RAB18: variants seen among roughly 807,000 people sequenced by gnomAD.
The protein encoded by RAB18 is RAB18, member RAS oncogene family.
RAB18 carries 10 observed loss-of-function variants against 28.5 expected under a neutral mutation model. The observed-to-expected ratio is 0.35, with a 90% CI of 0.22 to 0.60. The LOEUF (loss-of-function observed/expected upper bound fraction) is 0.60, where lower values mean the gene tolerates loss of function less well. Ranked by LOEUF, RAB18 falls within the 20% of genes least tolerant of loss-of-function variation. The pLI is 0.78. For synonymous variants in RAB18, 93 were observed against 86.9 expected (o/e 1.07, Z -0.39); for missense variants, 188 against 244.2 (o/e 0.77, Z 1.53).
chr10:27,540,840 G>A lies in RAB18; in HGVS notation c.*2789G>A, dbSNP rs1382171394. ...GAAATAGACTTGATTTTGATTCATC[G>A]TAGCTTGCATGGTCAAGAGACATGA... On this transcript the variant is annotated 3_prime_UTR_variant, in exon 7 of 7. Transcript: ENST00000356940. 3.1e-5 allele frequency: 14 copies of A among 453,908 alleles called. No individual in the cohort carries two copies. Among genetic ancestry groups the A allele is most frequent in the Non-Finnish European group, 4.9e-5 (11 of 226,768 alleles). 28.1% of individuals were successfully genotyped at this position (453,908 alleles called of 1,614,324 possible). A position where few individuals can be genotyped will look rare whatever the true frequency, so the allele number is the denominator to read the frequency against.
At position 27,533,910 on chromosome 10, in the gene RAB18, A is replaced by C. The variant is rs1564837130; in HGVS notation, c.379-18A>C. On this transcript the variant is annotated intron_variant, in intron 5 of 6. Coordinates refer to ENST00000356940, the MANE Select transcript of RAB18 (RefSeq NM_021252.5). ...TATATTTTGGTAGCCTTTCTTAATC[A>C]TTGCATTTATATTTTAGGAAAATCG... The C allele has an allele frequency of 6.2e-7, 1 of 1,609,576 alleles. No homozygotes were observed. The highest frequency in any genetic ancestry group is 8.5e-7 in the Non-Finnish European group (1 of 1,175,950).
intron 2 of RAB18, among the ~76,000 whole-genome samples, chr10:27,518,964 T>C (rs544766655): frequency 1.3e-5 from 2 of 150,750 alleles, no homozygotes; most frequent in East Asian, 3.9e-4. Flanking sequence ...GTTCTTTTTT[T>C]TCCTTTTGCA....
intron 2 of RAB18, among the ~76,000 whole-genome samples, chr10:27,510,749 G>C (rs913790157): frequency 5.3e-5 from 8 of 152,132 alleles, no homozygotes; most frequent in Admixed American, 5.2e-4. Context: ...GGAGAATATA[G>C]TAAAGATGAT....
rs1332925743 is a variant in RAB18 at position 27,538,901 on chromosome 10, A to C, written c.*850A>C. On this transcript the variant is annotated 3_prime_UTR_variant, in exon 7 of 7. Transcript: ENST00000356940. ...TGGTAGTGTTTGTCCAGGTACCTTA[A>C]CTGTAGCTTGTGTAATGTTGATGAA... The C allele has an allele frequency of 2.2e-6, 1 of 453,912 alleles. No homozygotes were observed. Among genetic ancestry groups the C allele is most frequent in the Admixed American group, 2.3e-5 (1 of 42,564 alleles). The allele number at this position is 453,912 out of a possible 1,614,324, so 28.1% of individuals were successfully genotyped here.
At chr10:27,528,043 A>G (rs1319919872) in intron 3 of RAB18, among the ~76,000 whole-genome samples, 12 of 152,118 alleles carry the variant, frequency 7.9e-5, no homozygotes, top group Non-Finnish European at 7.4e-5. Context: ...GTGTTGAACG[A>G]TATAAGAATG....
At chr10:27,517,211 A>G (rs1834453808) in intron 2 of RAB18, among the ~76,000 whole-genome samples, 1 of 152,046 alleles carries the variant, frequency 6.6e-6, no homozygotes, top group Non-Finnish European at 1.5e-5. Flanking sequence ...AAAAATACAA[A>G]AATTAGCCAG....
chr10:27,523,572 A>C (rs1241998986), intron 2 of RAB18, among the ~76,000 whole-genome samples: 4 of 140,272 alleles, frequency 2.9e-5, no homozygotes, highest in African/African-American at 1.1e-4. Flanking sequence ...TGTTAATCCC[A>C]TCCAGTGTAT....
chr10:27,523,175 A>G (rs1834595907), intron 2 of RAB18, among the ~76,000 whole-genome samples: 1 of 151,592 alleles, frequency 6.6e-6, no homozygotes, highest in African/African-American at 2.4e-5. Context: ...GCATCATACA[A>G]ATTTTGATGT....
intron 6 of RAB18, 68 bp from the exon 7 acceptor site, chr10:27,537,808 C>T: frequency 7.1e-7 from 1 of 1,401,926 alleles, no homozygotes; most frequent in Non-Finnish European, 1.0e-6. Flanking sequence ...CTGATAGTTT[C>T]CCAGAAAAAC....
chr10:27,526,791 T>G, intron 2 of RAB18, 37 bp from the exon 3 acceptor site: 1 of 1,611,308 alleles, frequency 6.2e-7, no homozygotes, highest in Non-Finnish European at 8.5e-7. Flanking sequence ...AAAGTCTGTT[T>G]TACTGGGAGA....
At chr10:27,521,610 C>T (rs947255601) in intron 2 of RAB18, among the ~76,000 whole-genome samples, 2 of 152,072 alleles carry the variant, frequency 1.3e-5, no homozygotes, top group African/African-American at 4.8e-5. Context: ...GAAAACCAAA[C>T]ATTGTATGTT....
intron 2 of RAB18, among the ~76,000 whole-genome samples, chr10:27,517,689 A>T (rs965039174): frequency 1.3e-5 from 2 of 152,216 alleles, no homozygotes; most frequent in African/African-American, 4.8e-5. Flanking sequence ...AGCATTTTTT[A>T]AAAAATTATA....
intron 3 of RAB18, among the ~76,000 whole-genome samples, chr10:27,531,185 T>C (rs1369521263): frequency 6.6e-6 from 1 of 152,070 alleles, no homozygotes; most frequent in Non-Finnish European, 1.5e-5. Context: ...GGGATTAGTT[T>C]CTGTGGTGGT....
At chr10:27,518,408 A>G (rs1322750798) in intron 2 of RAB18, among the ~76,000 whole-genome samples, 4 of 152,150 alleles carry the variant, frequency 2.6e-5, no homozygotes, top group African/African-American at 9.7e-5. Context: ...TTATATATCT[A>G]CGAGCAGCCT....
chr10:27,538,207 C>G lies in RAB18; in HGVS notation c.*156C>G, dbSNP rs150394070. The G allele has an allele frequency of 6.9e-6, 7 of 1,008,350 alleles. No individual in the cohort carries two copies. The highest frequency in any genetic ancestry group is 1.1e-5 in the Non-Finnish European group (7 of 664,398). The allele number at this position is 1,008,350 out of a possible 1,614,324, so 62.5% of individuals were successfully genotyped here. Reference sequence around the variant, plus strand: ...TGCAAGAAATCCCACTCATCGACCCCGGGTAAAATGTTATGGTAAGCATGC... The same window carrying G: ...TGCAAGAAATCCCACTCATCGACCCGGGGTAAAATGTTATGGTAAGCATGC... On this transcript the variant is annotated 3_prime_UTR_variant, in exon 7 of 7. Transcript: ENST00000356940.
intron 2 of RAB18, among the ~76,000 whole-genome samples, chr10:27,516,282 G>T (rs569071237): frequency 6.6e-6 from 1 of 152,088 alleles, no homozygotes; most frequent in Non-Finnish European, 1.5e-5. Context: ...TGGGCCAGGC[G>T]CAGTGGCTCA....
In RAB18 at chr10:27,531,584, G is replaced by A. The variant is rs745634412; in HGVS notation, c.187-923G>A. The A allele has an allele frequency of 3.0e-5, 36 of 1,199,762 alleles. No individual in the cohort carries two copies. The South Asian group carries it at 4.0e-4, about 13-fold the overall frequency. 74.3% of individuals were successfully genotyped at this position (1,199,762 alleles called of 1,614,324 possible). ...TTCTTAAAGAGCCAGATAGGAAATA[G>A]TCCAATCCTGAAGTGGGCCATGTGG... On this transcript the variant is annotated intron_variant, in intron 3 of 6. Transcript: ENST00000356940.
chr10:27,513,420 G>A (rs925915534), intron 2 of RAB18, among the ~76,000 whole-genome samples: 2 of 152,136 alleles, frequency 1.3e-5, no homozygotes, highest in African/African-American at 4.8e-5. Flanking sequence ...TTACCCCACA[G>A]TAAAATAGTA....
chr10:27,539,906 A>G lies in RAB18; in HGVS notation c.*1855A>G, dbSNP rs1004458364. The G allele has an allele frequency of 1.5e-5, 7 of 453,092 alleles. No homozygotes were observed. Among genetic ancestry groups the G allele is most frequent in the African/African-American group, 6.0e-5 (3 of 49,924 alleles). 28.1% of individuals were successfully genotyped at this position (453,092 alleles called of 1,614,324 possible). Reference sequence around the variant, plus strand: ...AGAATATGTACTATTGTGTTACTCAAATTATGTGGCTTTCATTTTGTTGTT... The same window carrying G: ...AGAATATGTACTATTGTGTTACTCAGATTATGTGGCTTTCATTTTGTTGTT... On this transcript the variant is annotated 3_prime_UTR_variant, in exon 7 of 7. Transcript: ENST00000356940.
Sources: allele counts gnomAD v4.1 joint callset (sites outside exome capture counted in the v4.1 genomes callset), GRCh38; gene constraint gnomAD v4.1.1; transcripts MANE v1.5; gene names NCBI Gene and HGNC (gene_info 2026-07-23, HGNC 2026-07-21).